The following RAP1A variants were observed in gnomAD, a reference collection of about 807,000 sequenced individuals.
RAP1A encodes ras-related protein Rap-1A.
In RAP1A, 6 loss-of-function variants were observed where a neutral mutation model predicts 26.4. That is an observed-to-expected ratio of 0.23 (90% CI 0.12 to 0.45). RAP1A has a LOEUF of 0.45. Ranked by LOEUF, RAP1A falls within the 20% of genes least tolerant of loss-of-function variation. RAP1A has a pLI of 0.99. For synonymous variants in RAP1A, 73 were observed against 79.4 expected, an observed-to-expected ratio of 0.92 and a Z score of 0.43; for missense variants, 121 against 217.2, an observed-to-expected ratio of 0.56 and a Z score of 2.78.
At chr1:111,649,602 A>G (rs1660197100) in intron 1 of RAP1A, 1 of 215,142 alleles carries the variant, frequency 4.6e-6, no homozygotes, top group Non-Finnish European at 9.8e-6. Context: ...GACGACCAGA[A>G]TATTAGATAT....
intron 4 of RAP1A, among the ~76,000 whole-genome samples, 166 bp downstream of exon 4, chr1:111,697,663 A>G (rs777757439): frequency 6.6e-6 from 1 of 152,172 alleles, no homozygotes; most frequent in Non-Finnish European, 1.5e-5. Context: ...ACTCTGATGT[A>G]GTTCATGCTC....
intron 1 of RAP1A, among the ~76,000 whole-genome samples, chr1:111,628,768 A>G (rs2101100101): frequency 6.6e-6 from 1 of 152,284 alleles, no homozygotes; most frequent in African/African-American, 2.4e-5. Flanking sequence ...ATCAAATTCA[A>G]AAGAAACAGC....
At chr1:111,677,869 G>T (rs1557888338) in intron 1 of RAP1A, among the ~76,000 whole-genome samples, 1 of 152,242 alleles carries the variant, frequency 6.6e-6, no homozygotes, top group Non-Finnish European at 1.5e-5. Flanking sequence ...ACGATACAAG[G>T]TATGAATACA....
chr1:111,680,100 C>T (rs1000080783), intron 1 of RAP1A, among the ~76,000 whole-genome samples: 1 of 152,200 alleles, frequency 6.6e-6, no homozygotes, highest in African/African-American at 2.4e-5. Flanking sequence ...GACTGGGAGA[C>T]ACCTCCCAGT....
chr1:111,576,760 A>C (rs1658153597), intron 1 of RAP1A, among the ~76,000 whole-genome samples: 1 of 152,156 alleles, frequency 6.6e-6, no homozygotes, highest in South Asian at 2.1e-4. Context: ...AGGCCACCTG[A>C]TCTCAATCAG....
At chr1:111,663,426 T>G (rs184494804) in intron 1 of RAP1A, among the ~76,000 whole-genome samples, 6 of 152,344 alleles carry the variant, frequency 3.9e-5, no homozygotes, top group African/African-American at 1.4e-4. Flanking sequence ...TGCATTACCT[T>G]TCCAAAATTC....
intron 1 of RAP1A, among the ~76,000 whole-genome samples, chr1:111,566,574 C>A (rs976506692): frequency 6.6e-6 from 1 of 152,216 alleles, no homozygotes; most frequent in Non-Finnish European, 1.5e-5. Context: ...CCTGGAATTT[C>A]ACCTGGGCAT....
At chr1:111,655,275 A>AC (rs999781065) in intron 1 of RAP1A, among the ~76,000 whole-genome samples, 2 of 152,010 alleles carry the variant, frequency 1.3e-5, no homozygotes, top group African/African-American at 2.4e-5. Context: ...ACAAAAAAAA[A>AC]AACAACAGAA....
chr1:111,679,020 G>GA (rs932278656), intron 1 of RAP1A, among the ~76,000 whole-genome samples: 4 of 151,858 alleles, frequency 2.6e-5, no homozygotes, highest in African/African-American at 4.8e-5. Flanking sequence ...AGCATTTTGG[G>GA]AAAAAAAATC....
intron 1 of RAP1A, among the ~76,000 whole-genome samples, chr1:111,567,127 C>G (rs1227553294): frequency 1.3e-5 from 2 of 152,070 alleles, no homozygotes; most frequent in African/African-American, 4.8e-5. Context: ...AGGCCCCGCC[C>G]TCAAGAAGTC....
At chr1:111,684,984 C>A (rs1274352867) in intron 1 of RAP1A, among the ~76,000 whole-genome samples, 3 of 152,160 alleles carry the variant, frequency 2.0e-5, no homozygotes, top group Non-Finnish European at 4.4e-5. Flanking sequence ...CACCACATAT[C>A]TACAACCATC....
chr1:111,706,842 T>C (rs906706307), intron 6 of RAP1A: 4 of 705,246 alleles, frequency 5.7e-6, no homozygotes, highest in Non-Finnish European at 7.0e-6. Flanking sequence ...CCTTTCTATA[T>C]AGTACCAGAA....
intron 1 of RAP1A, among the ~76,000 whole-genome samples, chr1:111,681,570 C>T (rs1001985154): frequency 1.3e-5 from 2 of 152,022 alleles, no homozygotes; most frequent in Admixed American, 1.3e-4. Context: ...GTATCAATAG[C>T]TGAATTGATC....
rs371323388 is a variant in RAP1A, at chr1:111,593,098, C to T, written c.-28+50589C>T. 5.3e-5 allele frequency among the ~76,000 whole-genome samples: 8 copies of T among 152,124 alleles called. 1 individual carries two copies. The South Asian group carries it at 1.7e-3, about 32-fold the overall frequency. On this transcript the variant is annotated intron_variant, in intron 1 of 7. Transcript: ENST00000356415. ...TGAGTGGGTGGAGGGGGCGGGGAGC[C>T]GGGTTGTGTTGGCTTGCAAAGGTGA... is the stretch of plus-strand genomic sequence containing the variant.
At chr1:111,632,794 G>T (rs1343799477) in intron 1 of RAP1A, among the ~76,000 whole-genome samples, 3 of 152,022 alleles carry the variant, frequency 2.0e-5, no homozygotes, top group African/African-American at 4.8e-5. Context: ...GGTGGCGCAT[G>T]CCTGTAATCC....
chr1:111,599,027 TGAG>T (rs1658616331), intron 1 of RAP1A, among the ~76,000 whole-genome samples: 1 of 152,052 alleles, frequency 6.6e-6, no homozygotes, highest in African/African-American at 2.4e-5. Context: ...ATACAGATGA[TGAG>T]GTGTATAGGG....
chr1:111,662,499 C>T (rs2101160583), intron 1 of RAP1A, among the ~76,000 whole-genome samples: 1 of 151,190 alleles, frequency 6.6e-6, no homozygotes, highest in East Asian at 1.9e-4. Flanking sequence ...TTTCTCTTCA[C>T]AAAATTAATA....
At chr1:111,693,011 A>T (rs1661714777) in intron 2 of RAP1A, among the ~76,000 whole-genome samples, 1 of 152,168 alleles carries the variant, frequency 6.6e-6, no homozygotes, top group Non-Finnish European at 1.5e-5. Context: ...ATAGGAGTGA[A>T]AGAGGTCTAG....
chr1:111,662,739 A>G (rs1352974427), intron 1 of RAP1A, among the ~76,000 whole-genome samples: 1 of 152,228 alleles, frequency 6.6e-6, no homozygotes, highest in Non-Finnish European at 1.5e-5. Context: ...TACCTAAAAT[A>G]TGTTATTAAA....
Sources: allele counts gnomAD v4.1 joint callset (sites outside exome capture counted in the v4.1 genomes callset), GRCh38; gene constraint gnomAD v4.1.1; transcripts MANE v1.5; gene names NCBI Gene and HGNC (gene_info 2026-07-23, HGNC 2026-07-21).